SH2B1: variants seen among roughly 807,000 people sequenced by gnomAD.
SH2B1 encodes the protein SH2B adaptor protein 1.
SH2B1 carries 15 observed loss-of-function variants against 62.6 expected under a neutral mutation model. The ratio of observed to expected loss-of-function variants is 0.24; its 90% CI spans 0.16 to 0.37. The LOEUF (loss-of-function observed/expected upper bound fraction) is 0.37. SH2B1 is among the 10% of genes least tolerant of loss of function. The pLI is 1.00. For missense variants in SH2B1, 925 were observed against 1,015.6 expected (o/e 0.91, Z 1.21); for synonymous variants, 443 against 438.0 (o/e 1.01, Z -0.14).
Position 28,852,192 on chromosome 16 carries a change from T to A in SH2B1, c.-301+5365T>A, listed in dbSNP as rs189565895. On this transcript the variant is annotated intron_variant, in intron 1 of 10. Transcript: ENST00000322610. ...TCCGTATCCAAAAATATATATATTT[T>A]TATTTATATATTTACATATATATAT... Among the ~76,000 whole-genome samples, 389 of 128,188 alleles carry A rather than the reference T, an allele frequency of 3.0e-3. 12 individuals are homozygous for A. Among genetic ancestry groups the A allele is most frequent in the African/African-American group, 0.011 (329 of 29,684 alleles). 84.1% of individuals were successfully genotyped at this position (128,188 alleles called of 152,430 possible). A position where few individuals can be genotyped will look rare whatever the true frequency, so the allele number is the denominator to read the frequency against.
At chr16:28,851,630 T>G (rs1052829081) in intron 1 of SH2B1, among the ~76,000 whole-genome samples, 1 of 150,984 alleles carries the variant, frequency 6.6e-6, no homozygotes, top group Non-Finnish European at 1.5e-5. Flanking sequence ...GCCCAGGTAA[T>G]TTTTTTGTAT....
At chr16:28,851,396 G>A (rs1425717989) in intron 1 of SH2B1, among the ~76,000 whole-genome samples, 1 of 151,490 alleles carries the variant, frequency 6.6e-6, no homozygotes, top group African/African-American at 2.4e-5. Flanking sequence ...CTCTCATCCA[G>A]GTTACCTCAG....
chr16:28,864,340 T>G lies in SH2B1; in HGVS notation c.-1755T>G. 1 of 992,846 alleles carries G rather than the reference T, an allele frequency of 1.0e-6. No individual in the cohort carries two copies. Among genetic ancestry groups the G allele is most frequent in the Non-Finnish European group, 1.2e-6 (1 of 834,340 alleles). The allele number at this position is 992,846 out of a possible 1,614,324, so 61.5% of individuals were successfully genotyped here. ...AGTCACCAGCTTAGGAGTCGCAGGG[T>G]CAGCGGGCCTGAAGGGGGCTGGGTC... On this transcript the variant is annotated 5_prime_UTR_variant, in exon 1 of 8. Coordinates refer to ENST00000684370, the MANE Select transcript of SH2B1 (RefSeq NM_001387430.1).
rs769233413 is a variant in SH2B1, at chr16:28,869,023, G to A, written c.1059G>A (p.Glu353=). ...CTCTGTAGGTGGAAGGTCCATCCGAGTATATCATGGAGACAGTGGATGCCC... is the reference window on the plus strand; with the variant it reads ...CTCTGTAGGTGGAAGGTCCATCCGAATATATCATGGAGACAGTGGATGCCC... ...TFVVKVEGPS[E]YIMETVDAQH... is the part of the protein sequence containing the mutation. Residue 353 remains glutamate, a synonymous_variant, in exon 3 of 8, where the codon GAG becomes GAA. Coordinates refer to ENST00000684370, the MANE Select transcript of SH2B1 (RefSeq NM_001387430.1). 3 of 1,614,126 alleles carry A rather than the reference G, an allele frequency of 1.9e-6. No homozygotes were observed. The South Asian group carries it at 3.3e-5, about 18-fold the overall frequency.
rs1385305545 is a variant in SH2B1, at chr16:28,872,104, C to T, written c.1514-86C>T. The T allele has an allele frequency of 4.2e-6, 6 of 1,442,860 alleles. No homozygotes were observed. Among genetic ancestry groups the T allele is most frequent in the Non-Finnish European group, 5.8e-6 (6 of 1,035,922 alleles). The allele number at this position is 1,442,860 out of a possible 1,614,324, so 89.4% of individuals were successfully genotyped here. On this transcript the variant is annotated intron_variant, in intron 5 of 7. Transcript: ENST00000684370. This position sits in a 1 kb window ranked among gnomAD's most constrained non-coding sequence, Gnocchi z 5.3. ...GGGGACGCATGTGGGGAGCAGGCGC[C>T]TTGAGGGGAAGGCAAGGCTTTTTTC...
chr16:28,867,931 C>T (rs939960272), intron 2 of SH2B1, among the ~76,000 whole-genome samples: 13 of 151,978 alleles, frequency 8.6e-5, no homozygotes, highest in East Asian at 1.9e-4. Flanking sequence ...CAGGTTCAAG[C>T]GATTCTTGTG....
intron 2 of SH2B1, among the ~76,000 whole-genome samples, chr16:28,867,810 C>T (rs957340673): frequency 3.3e-5 from 5 of 152,186 alleles, no homozygotes; most frequent in African/African-American, 1.2e-4. Flanking sequence ...AGGCATGTGA[C>T]ACCATGCCTG....
rs1252285113 is a variant in SH2B1 at position 28,852,482 on chromosome 16, A to T, written c.-301+5655A>T. Among the ~76,000 whole-genome samples the T allele has an allele frequency of 5.5e-5, 3 of 54,498 alleles. 1 individual carries two copies. The highest frequency in any genetic ancestry group is 8.9e-5 in the Non-Finnish European group (3 of 33,794). 35.8% of individuals were successfully genotyped at this position (54,498 alleles called of 152,430 possible). On this transcript the variant is annotated intron_variant, in intron 1 of 10. Coordinates refer to the SH2B1 transcript ENST00000322610. ...TATTTATATATATACATATATATTTATATATACATACATATATTTATATAT... is the reference window on the plus strand; with the variant it reads ...TATTTATATATATACATATATATTTTTATATACATACATATATTTATATAT...
Position 28,866,424 on chromosome 16 carries a change from C to G in SH2B1, c.330C>G (p.Ser110Arg). 1 of 1,614,004 alleles carries G rather than the reference C, an allele frequency of 6.2e-7. No individual in the cohort carries two copies. Among genetic ancestry groups the G allele is most frequent in the South Asian group, 1.1e-5 (1 of 91,086 alleles). ...EISPHDLSLE[S>R]CRVGGPLAVL... ...CGCCACATGACCTGTCCCTTGAGAGCTGCAGGGTGGGTGGGCCCCTGGCTG... is the reference window on the plus strand; with the variant it reads ...CGCCACATGACCTGTCCCTTGAGAGGTGCAGGGTGGGTGGGCCCCTGGCTG... The change falls in exon 1 of 8, where the codon AGC (serine) becomes AGG (arginine). Residue 110 changes from serine (S) to arginine (R), a missense_variant. By Grantham distance (110) the Ser-to-Arg change is moderately radical. This residue lies in a region of SH2B1 where 683 missense variants were observed against 704.0 expected (regional missense o/e 0.97). Transcript: ENST00000684370. The surrounding 1 kb of genome is among the most constrained non-coding windows in gnomAD (Gnocchi z 6.3).
chr16:28,863,487 T>C, upstream of SH2B1: 3 of 584,012 alleles, frequency 5.1e-6, no homozygotes, highest in Non-Finnish European at 2.9e-6. Flanking sequence ...TCACACAGCC[T>C]CATCATCTCG....
chr16:28,873,192 T>C lies in SH2B1; in HGVS notation c.1898-255T>C. 3.1e-6 allele frequency: 5 copies of C among 1,591,222 alleles called. No individual in the cohort carries two copies. Among genetic ancestry groups the C allele is most frequent in the Non-Finnish European group, 4.3e-6 (5 of 1,173,426 alleles). ...CAGGCCGGGAGCAGGCTGGGAGCCA[T>C]GCGGGGGTGTGCGAGGGAGATGGAT... On this transcript the variant is annotated intron_variant, in intron 7 of 7. Transcript: ENST00000684370. This position sits in a 1 kb window ranked among gnomAD's most constrained non-coding sequence, Gnocchi z 4.2.
intron 1 of SH2B1, among the ~76,000 whole-genome samples, chr16:28,848,168 G>C (rs1254498389): frequency 6.6e-6 from 1 of 151,950 alleles, no homozygotes; most frequent in Non-Finnish European, 1.5e-5. Flanking sequence ...GCCAGGCGTG[G>C]TGGCTCACAC....
At chr16:28,867,457 C>A in intron 2 of SH2B1, 25 bp downstream of exon 2, 2 of 1,560,084 alleles carry the variant, frequency 1.3e-6, no homozygotes, top group Non-Finnish European at 1.8e-6. Context: ...TCCCAGCCGC[C>A]GGCAGTGCTT....
chr16:28,854,664 G>A (rs1382133576), intron 1 of SH2B1, among the ~76,000 whole-genome samples: 1 of 152,126 alleles, frequency 6.6e-6, no homozygotes, highest in Non-Finnish European at 1.5e-5. Flanking sequence ...GCTGAGGCAG[G>A]AGGATCAATT....
At chr16:28,852,785 C>T (rs182671162) in intron 1 of SH2B1, among the ~76,000 whole-genome samples, 25,868 of 41,640 alleles carry the variant, frequency 0.62, 9,158 homozygotes, top group South Asian at 0.85. Context: ...TATATATTTA[C>T]ATATATATTT....
Position 28,866,653 on chromosome 16 carries a change from A to T in SH2B1, c.559A>T (p.Thr187Ser), listed in dbSNP as rs528079443. The T allele has an allele frequency of 1.2e-6, 2 of 1,611,794 alleles. No individual in the cohort carries two copies. Among genetic ancestry groups the T allele is most frequent in the East Asian group, 4.5e-5 (2 of 44,826 alleles). Reference sequence around the variant, plus strand: ...TCCCTCCTCCGCTGGGCCCCTGGAGACCTCGTCAGGCCCCCCAGTCTTAGG... The same window carrying T: ...TCCCTCCTCCGCTGGGCCCCTGGAGTCCTCGTCAGGCCCCCCAGTCTTAGG... ...DPPSSAGPLE[T>S]SSGPPVLGGN... The change falls in exon 1 of 8, where the codon ACC (threonine) becomes TCC (serine). Residue 187 changes from threonine to serine, a missense_variant. This residue lies in a region of SH2B1 where 683 missense variants were observed against 704.0 expected (regional missense o/e 0.97). Coordinates refer to ENST00000684370, the MANE Select transcript of SH2B1 (RefSeq NM_001387430.1). The surrounding 1 kb of genome is among the most constrained non-coding windows in gnomAD (Gnocchi z 6.3).
chr16:28,857,146 G>C (rs999242631), intron 1 of SH2B1, among the ~76,000 whole-genome samples: 1 of 152,002 alleles, frequency 6.6e-6, no homozygotes, highest in African/African-American at 2.4e-5. Context: ...AGCTGGACGC[G>C]GTGATGCACA....
At position 28,866,659 on chromosome 16, in the gene SH2B1, TCAGGCCCCC is replaced by T. The variant is rs1245011245; in HGVS notation, c.569_577del (p.Gly190_Pro192del). The T allele has an allele frequency of 2.5e-6, 4 of 1,611,206 alleles. No individual in the cohort carries two copies. Among genetic ancestry groups the T allele is most frequent in the Non-Finnish European group, 3.4e-6 (4 of 1,178,518 alleles). ...CTCCGCTGGGCCCCTGGAGACCTCGTCAGGCCCCCCAGTCTTAGGTGGAAACAGCAACTC... is the reference window on the plus strand; with the variant it reads ...CTCCGCTGGGCCCCTGGAGACCTCGTCAGTCTTAGGTGGAAACAGCAACTC... On this transcript the variant is annotated inframe_deletion, in exon 1 of 8. Coordinates refer to ENST00000684370, the MANE Select transcript of SH2B1 (RefSeq NM_001387430.1). The surrounding 1 kb of genome is among the most constrained non-coding windows in gnomAD (Gnocchi z 6.3).
intron 1 of SH2B1, among the ~76,000 whole-genome samples, chr16:28,854,367 C>A (rs1962275696): frequency 6.6e-6 from 1 of 152,046 alleles, no homozygotes; most frequent in South Asian, 2.1e-4. Flanking sequence ...CTCCTCACTG[C>A]ACTTGGAATA....
Sources: allele counts gnomAD v4.1 joint callset (sites outside exome capture counted in the v4.1 genomes callset), GRCh38; gene constraint gnomAD v4.1.1; regional missense constraint gnomAD v4.1.1; non-coding constraint Gnocchi (gnomAD v3.1); transcripts MANE v1.5; gene names NCBI Gene and HGNC (gene_info 2026-07-23, HGNC 2026-07-21).